Variants in TUSC3 observed in about 807,000 individuals in gnomAD.
The protein encoded by TUSC3 is dolichyl-diphosphooligosaccharide--protein glycosyltransferase subunit TUSC3.
A neutral mutation model predicts 44.8 loss-of-function variants in TUSC3; 45 were observed. That is an observed-to-expected ratio of 1.00 (90% CI 0.79 to 1.29). The LOEUF (loss-of-function observed/expected upper bound fraction) is 1.29. Ranked by LOEUF, TUSC3 falls within the 50% of genes most tolerant of loss-of-function variation. TUSC3 has a pLI of 0.00. For missense variants in TUSC3, 519 were observed against 437.9 expected, an observed-to-expected ratio of 1.19 and a Z score of -1.65; for synonymous variants, 212 against 152.9, an observed-to-expected ratio of 1.39 and a Z score of -2.85.
intron 1 of TUSC3, among the ~76,000 whole-genome samples, chr8:15,550,321 C>T (rs1299396413): frequency 6.6e-6 from 1 of 151,704 alleles, no homozygotes; most frequent in Non-Finnish European, 1.5e-5. Flanking sequence ...TTCAGCTTGG[C>T]TTTCCATTGA....
At chr8:15,475,126 T>G (rs1800558211) in intron 1 of TUSC3, among the ~76,000 whole-genome samples, 1 of 152,104 alleles carries the variant, frequency 6.6e-6, no homozygotes, top group Non-Finnish European at 1.5e-5. Flanking sequence ...TATTGAGCAG[T>G]TATTATGCTC....
At chr8:15,618,701 A>T (rs370551130) in intron 1 of TUSC3, among the ~76,000 whole-genome samples, 34 of 152,346 alleles carry the variant, frequency 2.2e-4, no homozygotes, top group African/African-American at 7.9e-4. Flanking sequence ...TAAATACATA[A>T]AACCAGTAAC....
At chr8:15,502,745 C>T (rs1205176698) in intron 2 of TUSC3, among the ~76,000 whole-genome samples, 1 of 152,192 alleles carries the variant, frequency 6.6e-6, no homozygotes, top group Non-Finnish European at 1.5e-5. Flanking sequence ...CCTGCCTTGG[C>T]CTCCCAAAGT....
In TUSC3 at chr8:15,735,392, C is replaced by A. The variant is rs187899767; in HGVS notation, c.862+4663C>A. Among the ~76,000 whole-genome samples, 239 of 152,248 alleles carry A rather than the reference C, an allele frequency of 1.6e-3. 1 individual carries two copies. The highest frequency in any genetic ancestry group is 5.5e-3 in the African/African-American group (227 of 41,558). ...TGTAGGATAGAAATATGGAGGAGAA[C>A]AAGGTTTGGAGGGCAATGTTTAGCC... On this transcript the variant is annotated intron_variant, in intron 7 of 10. Transcript: ENST00000503731.
chr8:15,748,318 A>C (rs770545319), intron 8 of TUSC3, 57 bp from the exon 9 acceptor site: 52 of 1,267,514 alleles, frequency 4.1e-5, no homozygotes, highest in Non-Finnish European at 5.8e-6. Flanking sequence ...AATATAAACA[A>C]TTGGGGTTTC....
the TUSC3 span, among the ~76,000 whole-genome samples, chr8:15,782,089 C>T: frequency 1.3e-5 from 2 of 152,164 alleles, no homozygotes; most frequent in East Asian, 1.9e-4. Flanking sequence ...GAGCCGAGAT[C>T]GTGCCACTGC....
intron 9 of TUSC3, among the ~76,000 whole-genome samples, chr8:15,756,726 G>T (rs922701971): frequency 4.6e-5 from 7 of 152,138 alleles, no homozygotes; most frequent in Non-Finnish European, 8.8e-5. Flanking sequence ...AGGCTTATTG[G>T]CTTGCCACAG....
At chr8:15,711,675 C>T (rs934522082) in intron 6 of TUSC3, among the ~76,000 whole-genome samples, 1 of 151,602 alleles carries the variant, frequency 6.6e-6, no homozygotes. Context: ...AGGATATAAC[C>T]TGTTTTGTCT....
At chr8:15,804,308 G>A in the TUSC3 span, among the ~76,000 whole-genome samples, 1,271 of 152,264 alleles carry the variant, frequency 8.3e-3, 18 homozygotes, top group African/African-American at 0.029. Context: ...TTTATAGTTT[G>A]TTTTGCTGTG....
chr8:15,501,635 C>T (rs1800966981), intron 2 of TUSC3, among the ~76,000 whole-genome samples: 1 of 152,162 alleles, frequency 6.6e-6, no homozygotes, highest in Non-Finnish European at 1.5e-5. Flanking sequence ...TAACCTGACT[C>T]CCACAGGTAC....
intron 1 of TUSC3, among the ~76,000 whole-genome samples, chr8:15,424,730 A>G (rs1308845355): frequency 6.6e-6 from 1 of 152,056 alleles, no homozygotes; most frequent in Non-Finnish European, 1.5e-5. Context: ...AATACAAAAA[A>G]TTAGCCAGGC....
chr8:15,817,348 G>GAA, the TUSC3 span, among the ~76,000 whole-genome samples: 9,020 of 149,590 alleles, frequency 0.06, 858 homozygotes, highest in African/African-American at 0.21. Flanking sequence ...ATTAAGACTT[G>GAA]AAAAAAAAAA....
the TUSC3 span, among the ~76,000 whole-genome samples, chr8:15,805,642 G>A: frequency 6.6e-6 from 1 of 152,140 alleles, no homozygotes; most frequent in Non-Finnish European, 1.5e-5. Flanking sequence ...ATTTGCATAT[G>A]TTGAACCAAT....
chr8:15,650,184 G>A (rs1284632141), intron 2 of TUSC3, among the ~76,000 whole-genome samples: 2 of 152,162 alleles, frequency 1.3e-5, no homozygotes, highest in Non-Finnish European at 2.9e-5. Flanking sequence ...TAAATGGAAT[G>A]AATAAGGTGG....
chr8:15,842,990 A>G, the TUSC3 span, among the ~76,000 whole-genome samples: 3 of 152,232 alleles, frequency 2.0e-5, no homozygotes, highest in Non-Finnish European at 4.4e-5. Flanking sequence ...TTGTTGTTAT[A>G]GTAATTTGTA....
intron 1 of TUSC3, among the ~76,000 whole-genome samples, chr8:15,585,959 A>C (rs1009682264): frequency 6.6e-6 from 1 of 152,212 alleles, no homozygotes; most frequent in African/African-American, 2.4e-5. Flanking sequence ...CTACGGAATA[A>C]AGAGAGAAGA....
At chr8:15,573,234 G>GT (rs1309149697) in intron 1 of TUSC3, among the ~76,000 whole-genome samples, 1,114 of 68,530 alleles carry the variant, frequency 0.016, 11 homozygotes, top group South Asian at 0.027. Context: ...ATATATAAAA[G>GT]TTTTTTTTTT....
intron 1 of TUSC3, among the ~76,000 whole-genome samples, chr8:15,562,077 A>G (rs1315138986): frequency 1.3e-5 from 2 of 152,186 alleles, no homozygotes; most frequent in Non-Finnish European, 2.9e-5. Flanking sequence ...ATGGAAATGG[A>G]AAAACAGCAG....
intron 6 of TUSC3, among the ~76,000 whole-genome samples, chr8:15,721,857 ATATAG>A (rs1203349215): frequency 6.6e-6 from 1 of 152,028 alleles, no homozygotes; most frequent in African/African-American, 2.4e-5. Context: ...TATTTGGAAA[ATATAG>A]TAGAATGAGA....
Sources: allele counts gnomAD v4.1 joint callset (sites outside exome capture counted in the v4.1 genomes callset), GRCh38; gene constraint gnomAD v4.1.1; transcripts MANE v1.5; gene names NCBI Gene and HGNC (gene_info 2026-07-23, HGNC 2026-07-21).